The following SASH1 variants were observed in gnomAD, a reference collection of about 807,000 sequenced individuals.
The protein encoded by SASH1 is SAM and SH3 domain containing 1, also known as SAM and SH3 domain-containing protein 1.
SASH1 carries 44 observed loss-of-function variants against 125.2 expected under a neutral mutation model. The observed-to-expected ratio is 0.35, with a 90% CI of 0.28 to 0.45. SASH1 has a LOEUF of 0.45. Ranked by LOEUF, SASH1 falls within the 20% of genes least tolerant of loss-of-function variation. The pLI is 1.00. For synonymous variants in SASH1, 639 were observed against 649.1 expected, an observed-to-expected ratio of 0.98 and a Z score of 0.24; for missense variants, 1,426 against 1,614.5, an observed-to-expected ratio of 0.88 and a Z score of 2.00.
upstream of SASH1, among the ~76,000 whole-genome samples, chr6:148,270,972 C>T (rs903940795): frequency 1.1e-4 from 16 of 150,534 alleles, no homozygotes; most frequent in Middle Eastern, 3.4e-3. Context: ...TGCAGCGGCA[C>T]GATCTTGGCT....
intron 1 of SASH1, among the ~76,000 whole-genome samples, chr6:148,349,857 T>TG (rs1012408679): frequency 4.0e-5 from 6 of 151,790 alleles, no homozygotes; most frequent in African/African-American, 1.5e-4. Flanking sequence ...TTTCTTTTTT[T>TG]TTTTTTGAGA....
At chr6:148,258,659 A>T in the SASH1 span, among the ~76,000 whole-genome samples, 8 of 152,194 alleles carry the variant, frequency 5.3e-5, no homozygotes, top group Non-Finnish European at 1.0e-4. Context: ...CGTACAAAGA[A>T]TGGGTGGGCT....
Position 148,543,879 on chromosome 6 carries a change from T to C in SASH1, c.2409T>C (p.Gly803=), listed in dbSNP as rs1473671518. 1.2e-6 allele frequency: 2 copies of C among 1,614,134 alleles called. No individual in the cohort carries two copies. Among genetic ancestry groups the C allele is most frequent in the Admixed American group, 3.3e-5 (2 of 60,016 alleles). The change falls in exon 18 of 20, where the codon GGT becomes GGC. Residue 803 remains glycine (G), a synonymous_variant. Transcript: ENST00000367467. ...CGTCCAAGAGCTGTGACCCACCTGG[T>C]GTGACTGGTTTGAATAAAAACCGAA... ...PDTSKSCDPP[G]VTGLNKNRRS... is the part of the protein sequence containing the mutation.
intron 1 of SASH1, among the ~76,000 whole-genome samples, chr6:148,369,036 T>G (rs1333113000): frequency 6.6e-6 from 1 of 152,138 alleles, no homozygotes; most frequent in Non-Finnish European, 1.5e-5. Flanking sequence ...TGCAACATTG[T>G]GGTGGAGCTG....
rs564766744 is a variant in SASH1, at chr6:148,429,686, C to T, written c.286-10498C>T. Reference sequence around the variant, plus strand: ...TGAGTTTAGGAGGTCAAGGCTGTAGCGAGCTATGGTCACACCACGGTACTC... The same window carrying T: ...TGAGTTTAGGAGGTCAAGGCTGTAGTGAGCTATGGTCACACCACGGTACTC... On this transcript the variant is annotated intron_variant, in intron 2 of 19. Coordinates refer to ENST00000367467, the MANE Select transcript of SASH1 (RefSeq NM_015278.5). 2.6e-5 allele frequency among the ~76,000 whole-genome samples: 4 copies of T among 151,654 alleles called. No homozygotes were observed. The East Asian group carries it at 5.9e-4, about 22-fold the overall frequency.
Position 148,520,108 on chromosome 6 carries a change from A to C in SASH1, c.1209+215A>C, listed in dbSNP as rs1358014354. On this transcript the variant is annotated intron_variant, in intron 10 of 19. Transcript: ENST00000367467. ...CTGCAGCTGCTCCGGCAGAAAGGCAAAGGGGGCGGGAGCTGCGGCTTCCCC... is the reference window on the plus strand; with the variant it reads ...CTGCAGCTGCTCCGGCAGAAAGGCACAGGGGGCGGGAGCTGCGGCTTCCCC... 5.7e-5 allele frequency: 32 copies of C among 556,840 alleles called. No individual in the cohort carries two copies. In the East Asian group the frequency reaches 9.3e-4, roughly 16 times the overall value. The allele number at this position is 556,840 out of a possible 1,614,324, so 34.5% of individuals were successfully genotyped here. A position where few individuals can be genotyped will look rare whatever the true frequency, so the allele number is the denominator to read the frequency against.
the SASH1 span, among the ~76,000 whole-genome samples, chr6:148,209,880 T>C: frequency 6.6e-6 from 1 of 152,266 alleles, no homozygotes; most frequent in African/African-American, 2.4e-5. Flanking sequence ...TACTCTGTTA[T>C]AGGCAAAAAA....
intron 1 of SASH1, among the ~76,000 whole-genome samples, chr6:148,285,851 A>G (rs921777567): frequency 2.0e-5 from 3 of 152,190 alleles, no homozygotes; most frequent in African/African-American, 4.8e-5. Context: ...GTGATCTACA[A>G]TCAGCAGGTG....
At chr6:148,311,036 C>T (rs13213739) in intron 1 of SASH1, among the ~76,000 whole-genome samples, 15,055 of 152,096 alleles carry the variant, frequency 0.099, 877 homozygotes, top group East Asian at 0.23. Flanking sequence ...GCCTCAGCCT[C>T]CTGAATAGCT....
chr6:148,342,899 G>T lies in SASH1; in HGVS notation c.-169G>T. The T allele has an allele frequency of 2.4e-6, 1 of 414,240 alleles. No homozygotes were observed. The highest frequency in any genetic ancestry group is 3.2e-6 in the Non-Finnish European group (1 of 307,804). The allele number at this position is 414,240 out of a possible 1,614,324, so 25.7% of individuals were successfully genotyped here. On this transcript the variant is annotated 5_prime_UTR_variant, in exon 1 of 20. Transcript: ENST00000367467. Reference sequence around the variant, plus strand: ...GGCCACCTAGACCCGAGGTGCGGGCGCCTGCGAAGGGCCCCCGCGGGGTGG... The same window carrying T: ...GGCCACCTAGACCCGAGGTGCGGGCTCCTGCGAAGGGCCCCCGCGGGGTGG...
intron 4 of SASH1, among the ~76,000 whole-genome samples, chr6:148,457,944 C>G (rs1051104413): frequency 6.6e-6 from 1 of 152,158 alleles, no homozygotes; most frequent in Non-Finnish European, 1.5e-5. Context: ...TGAGGGTAAC[C>G]GCCCCCATGA....
At chr6:148,280,528 T>C (rs1327879922) in intron 1 of SASH1, 1 of 152,072 alleles carries the variant, frequency 6.6e-6, no homozygotes, top group Non-Finnish European at 1.5e-5. Flanking sequence ...GATGAACAAA[T>C]AGATCAAAAG....
chr6:148,526,046 CTTTTT>C (rs34023266), intron 11 of SASH1, among the ~76,000 whole-genome samples: 89 of 54,154 alleles, frequency 1.6e-3, no homozygotes, highest in African/African-American at 4.9e-3. Context: ...GAAGGTGAGT[CTTTTT>C]TTTTTTTTTT....
intron 2 of SASH1, among the ~76,000 whole-genome samples, chr6:148,411,341 A>AATATTTCCCC (rs1181952807): frequency 3.3e-5 from 5 of 152,172 alleles, no homozygotes; most frequent in Non-Finnish European, 1.5e-5. Flanking sequence ...ACAATATAAA[A>AATATTTCCCC]ATATTTCCCC....
chr6:148,205,292 A>G, the SASH1 span, among the ~76,000 whole-genome samples: 21 of 152,176 alleles, frequency 1.4e-4, no homozygotes, highest in Non-Finnish European at 2.9e-5. Context: ...TCGTCCCAGA[A>G]CTTGTCAAGA....
intron 8 of SASH1, among the ~76,000 whole-genome samples, chr6:148,489,728 G>C (rs1251980445): frequency 1.3e-5 from 2 of 151,630 alleles, no homozygotes; most frequent in Non-Finnish European, 2.9e-5. Context: ...TGATGTTATT[G>C]TAAGTGACAA....
chr6:148,486,094 T>G (rs1267294956), intron 7 of SASH1, among the ~76,000 whole-genome samples: 1 of 152,178 alleles, frequency 6.6e-6, no homozygotes, highest in Non-Finnish European at 1.5e-5. Flanking sequence ...TTTTTAAAAG[T>G]AAATCTGCTC....
At chr6:148,431,500 C>T (rs1199111338) in intron 2 of SASH1, among the ~76,000 whole-genome samples, 4 of 152,134 alleles carry the variant, frequency 2.6e-5, no homozygotes, top group Non-Finnish European at 5.9e-5. Flanking sequence ...GCCTGGCTGA[C>T]AATGTTGAAT....
rs1204427086 is a variant in SASH1 at position 148,549,347 on chromosome 6, G to T, written c.*789G>T. The T allele has an allele frequency of 3.0e-6, 1 of 338,268 alleles. No individual in the cohort carries two copies. The highest frequency in any genetic ancestry group is 4.3e-5 in the East Asian group (1 of 23,170). The allele number at this position is 338,268 out of a possible 1,614,324, so 21.0% of individuals were successfully genotyped here. A position where few individuals can be genotyped will look rare whatever the true frequency, so the allele number is the denominator to read the frequency against. On this transcript the variant is annotated 3_prime_UTR_variant, in exon 20 of 20. Coordinates refer to ENST00000367467, the MANE Select transcript of SASH1 (RefSeq NM_015278.5). ...GCCACACACTTCATGTTGGTTTTTG[G>T]TTTTTAAGCTAACTACAAATCTAGT...
Sources: allele counts gnomAD v4.1 joint callset (sites outside exome capture counted in the v4.1 genomes callset), GRCh38; gene constraint gnomAD v4.1.1; transcripts MANE v1.5; gene names NCBI Gene and HGNC (gene_info 2026-07-23, HGNC 2026-07-21).